Variants in CSNK1G1 observed in about 807,000 individuals in gnomAD.
CSNK1G1 encodes the protein casein kinase I isoform gamma-1.
A neutral mutation model predicts 59.6 loss-of-function variants in CSNK1G1; 22 were observed. The ratio of observed to expected loss-of-function variants is 0.37; its 90% confidence interval spans 0.26 to 0.53. The LOEUF (loss-of-function observed/expected upper bound fraction) is 0.53, where lower values mean the gene tolerates loss of function less well. CSNK1G1 is among the 20% of genes least tolerant of loss of function. The probability of loss-of-function intolerance (pLI) is 0.89; values close to 1 mark genes in which losing one functional copy is unlikely to be tolerated. For synonymous variants in CSNK1G1, 179 were observed against 177.1 expected (o/e 1.01, Z -0.08); for missense variants, 384 against 519.5 (o/e 0.74, Z 2.54).
intron 2 of CSNK1G1, among the ~76,000 whole-genome samples, chr15:64,292,189 G>C (rs900795083): frequency 1.4e-5 from 2 of 145,290 alleles, no homozygotes; most frequent in African/African-American, 2.6e-5. Context: ...CAGCCTGGGC[G>C]ACAGAGCGAG....
chr15:64,264,777 G>A (rs182447275), intron 2 of CSNK1G1, among the ~76,000 whole-genome samples: 4 of 152,082 alleles, frequency 2.6e-5, no homozygotes, highest in African/African-American at 7.2e-5. Context: ...AAAACCATAT[G>A]ATCATCTCAA....
At chr15:64,248,347 T>C (rs556664526) in intron 4 of CSNK1G1, among the ~76,000 whole-genome samples, 9 of 152,224 alleles carry the variant, frequency 5.9e-5, no homozygotes, top group Non-Finnish European at 1.2e-4. Context: ...TTCCTTTTTT[T>C]AACCATCACA....
At chr15:64,268,467 C>T (rs1436475868) in intron 2 of CSNK1G1, among the ~76,000 whole-genome samples, 1 of 152,096 alleles carries the variant, frequency 6.6e-6, no homozygotes, top group Non-Finnish European at 1.5e-5. Flanking sequence ...TGTTATAACA[C>T]TGATGAGAAA....
intron 10 of CSNK1G1, among the ~76,000 whole-genome samples, chr15:64,192,960 T>C (rs2081992306): frequency 6.6e-6 from 1 of 151,706 alleles, no homozygotes; most frequent in Non-Finnish European, 1.5e-5. Context: ...CTTCACTTTA[T>C]GGCTCAAAAA....
chr15:64,272,982 G>A (rs894002229), intron 2 of CSNK1G1, among the ~76,000 whole-genome samples: 4 of 152,134 alleles, frequency 2.6e-5, no homozygotes, highest in Non-Finnish European at 4.4e-5. Context: ...GAAATTACAG[G>A]CATGAGCCAC....
chr15:64,207,015 T>C (rs866540668), intron 7 of CSNK1G1, among the ~76,000 whole-genome samples: 2 of 152,036 alleles, frequency 1.3e-5, no homozygotes, highest in South Asian at 4.1e-4. Flanking sequence ...CTGGGAACAC[T>C]CCTCCTGCTA....
At chr15:64,348,768 C>T (rs1278189931) in intron 1 of CSNK1G1, among the ~76,000 whole-genome samples, 1 of 151,630 alleles carries the variant, frequency 6.6e-6, no homozygotes, top group Non-Finnish European at 1.5e-5. Context: ...TACTCAAACA[C>T]CAAAAAAAGG....
At position 64,354,488 on chromosome 15, in the gene CSNK1G1, C is replaced by T. The variant is rs148555727; in HGVS notation, c.-225+1500G>A. 5.1e-3 allele frequency among the ~76,000 whole-genome samples: 776 copies of T among 152,254 alleles called. 10 individuals are homozygous for T. Among genetic ancestry groups the T allele is most frequent in the African/African-American group, 0.017 (720 of 41,550 alleles). ...AAAAATCTATAAAATATATTTTGCT[C>T]ATTTCAATAAATGGGCCATATTCTA... On this transcript the variant is annotated intron_variant, in intron 1 of 11. Coordinates refer to ENST00000303052, the MANE Select transcript of CSNK1G1 (RefSeq NM_022048.5).
At chr15:64,270,425 T>C (rs1158039780) in intron 2 of CSNK1G1, among the ~76,000 whole-genome samples, 1 of 152,198 alleles carries the variant, frequency 6.6e-6, no homozygotes, top group African/African-American at 2.4e-5. Flanking sequence ...TTCTAACTTT[T>C]TGATGTGGAC....
chr15:64,224,415 G>C (rs990802495), intron 4 of CSNK1G1, among the ~76,000 whole-genome samples: 1 of 152,092 alleles, frequency 6.6e-6, no homozygotes, highest in Non-Finnish European at 1.5e-5. Flanking sequence ...TCCATTGTAA[G>C]TAACGAAAGG....
chr15:64,355,874 G>A (rs567732893), intron 1 of CSNK1G1, 114 bp downstream of exon 1: 5 of 152,900 alleles, frequency 3.3e-5, no homozygotes, highest in Non-Finnish European at 7.3e-5. Flanking sequence ...CCCCACCCGG[G>A]ATCACGGCGT....
intron 10 of CSNK1G1, among the ~76,000 whole-genome samples, chr15:64,197,487 C>G (rs1474139674): frequency 6.6e-6 from 1 of 152,218 alleles, no homozygotes; most frequent in Non-Finnish European, 1.5e-5. Context: ...CACATGCCTC[C>G]TAATTATCCA....
chr15:64,183,073 G>C (rs1437464939), intron 10 of CSNK1G1, among the ~76,000 whole-genome samples: 1 of 152,192 alleles, frequency 6.6e-6, no homozygotes, highest in Non-Finnish European at 1.5e-5. Flanking sequence ...TCAGGAACTA[G>C]ACAAGACGTT....
chr15:64,279,453 TTAG>T (rs1893999847), intron 2 of CSNK1G1, among the ~76,000 whole-genome samples: 1 of 152,242 alleles, frequency 6.6e-6, no homozygotes, highest in African/African-American at 2.4e-5. Context: ...CTTGCATGCA[TTAG>T]TAGTTCATAC....
chr15:64,219,930 C>T (rs1206663148), intron 4 of CSNK1G1, among the ~76,000 whole-genome samples: 1 of 151,702 alleles, frequency 6.6e-6, no homozygotes, highest in African/African-American at 2.4e-5. Flanking sequence ...CGTACCACCA[C>T]ACCTAGCTAA....
chr15:64,171,703 A>AC lies in CSNK1G1; in HGVS notation c.*227dup, dbSNP rs2081667341. On this transcript the variant is annotated 3_prime_UTR_variant, in exon 12 of 12. Coordinates refer to ENST00000303052, the MANE Select transcript of CSNK1G1 (RefSeq NM_022048.5). The surrounding 1 kb of genome is among the most constrained non-coding windows in gnomAD (Gnocchi z 4.8). ...AGCCCTATGGGCAAGCAGTGGAGGA[A>AC]CAGCAGCTCTGGGACCTGCTCAGAG... 1 of 579,222 alleles carries AC rather than the reference A, an allele frequency of 1.7e-6. No homozygotes were observed. The highest frequency in any genetic ancestry group is 1.9e-5 in the African/African-American group (1 of 53,416). 35.9% of individuals were successfully genotyped at this position (579,222 alleles called of 1,614,324 possible). A position where few individuals can be genotyped will look rare whatever the true frequency, so the allele number is the denominator to read the frequency against.
In CSNK1G1 at chr15:64,166,331, AT is replaced by A; in HGVS notation, c.*5599del. The stretch of plus-strand genomic sequence containing the variant: ...CATTATTTTCCATTGGGGGGTATAT[AT>A]TTTTGGTTTATCTTTATCTTTTCTG... On this transcript the variant is annotated 3_prime_UTR_variant, in exon 12 of 12. Coordinates refer to ENST00000303052, the MANE Select transcript of CSNK1G1 (RefSeq NM_022048.5). This position sits in a 1 kb window ranked among gnomAD's most constrained non-coding sequence, Gnocchi z 4.5. 1 of 263,268 alleles carries A rather than the reference AT, an allele frequency of 3.8e-6. No homozygotes were observed. The allele number at this position is 263,268 out of a possible 1,614,324, so 16.3% of individuals were successfully genotyped here.
chr15:64,354,430 C>G (rs1416564844), intron 1 of CSNK1G1, among the ~76,000 whole-genome samples: 1 of 152,118 alleles, frequency 6.6e-6, no homozygotes, highest in Admixed American at 6.6e-5. Context: ...TCGTGTTAAT[C>G]CATACTATAA....
intron 1 of CSNK1G1, among the ~76,000 whole-genome samples, chr15:64,353,604 G>C (rs908434920): frequency 6.8e-6 from 1 of 146,184 alleles, no homozygotes; most frequent in Non-Finnish European, 1.5e-5. Context: ...CCGAGATCGT[G>C]CCACCACACT....
Sources: allele counts gnomAD v4.1 joint callset (sites outside exome capture counted in the v4.1 genomes callset), GRCh38; gene constraint gnomAD v4.1.1; non-coding constraint Gnocchi (gnomAD v3.1); transcripts MANE v1.5; gene names NCBI Gene and HGNC (gene_info 2026-07-23, HGNC 2026-07-21).